C2orf49: variants seen among roughly 807,000 people sequenced by gnomAD.
C2orf49 encodes tRNA splicing ligase complex subunit 2.
A neutral mutation model predicts 20.6 loss-of-function variants in C2orf49; 11 were observed. The observed-to-expected ratio is 0.53, with a 90% CI of 0.34 to 0.88. The LOEUF is 0.88. Among genes scored for constraint, C2orf49 ranks in the 40% least tolerant of loss-of-function variants. The pLI is 0.02. For synonymous variants in C2orf49, 134 were observed against 108.5 expected, an observed-to-expected ratio of 1.24 and a Z score of -1.46; for missense variants, 289 against 274.2, an observed-to-expected ratio of 1.05 and a Z score of -0.38.
the C2orf49 span, among the ~76,000 whole-genome samples, chr2:105,375,027 T>C: frequency 1.3e-5 from 2 of 152,170 alleles, no homozygotes; most frequent in Non-Finnish European, 2.9e-5. Flanking sequence ...GGAGTTATGC[T>C]GAATGTAGGA....
the C2orf49 span, among the ~76,000 whole-genome samples, chr2:105,364,374 C>T: frequency 6.6e-6 from 1 of 152,210 alleles, no homozygotes; most frequent in Non-Finnish European, 1.5e-5. Flanking sequence ...TAAAGGACAG[C>T]CGGGACTAGC....
chr2:105,373,533 C>T, the C2orf49 span: 40 of 1,613,650 alleles, frequency 2.5e-5, no homozygotes, highest in East Asian at 5.6e-4. Context: ...GACTGGCTCA[C>T]GCATGAGAAA....
Position 105,342,879 on chromosome 2 carries a change from C to T in C2orf49, c.298C>T (p.Pro100Ser), listed in dbSNP as rs1679706639. ...CACTGTAGATGGGTTAAGGAAAAGA[C>T]CCCTCATCGTATTTGATGGAAGTTC... is the stretch of plus-strand genomic sequence containing the variant. Reference protein sequence around the residue: ...SSTVDGLRKRPLIVFDGSSTS... With the variant: ...SSTVDGLRKRSLIVFDGSSTS... Residue 100 changes from proline (P) to serine (S), a missense_variant, in exon 3 of 4, where the codon CCC (proline) becomes TCC (serine). Physicochemically the swap from Pro to Ser is moderately conservative, Grantham distance 74 (BLOSUM62 -1). Coordinates refer to ENST00000258457, the MANE Select transcript of C2orf49 (RefSeq NM_024093.3). 6.2e-7 allele frequency: 1 copy of T among 1,613,910 alleles called. No individual in the cohort carries two copies.
chr2:105,353,937 A>C (rs886920224), downstream of C2orf49, among the ~76,000 whole-genome samples: 4 of 152,234 alleles, frequency 2.6e-5, no homozygotes, highest in African/African-American at 7.2e-5. Context: ...AGTCTTGTCC[A>C]AAGGAGTTAG....
chr2:105,339,842 AATTT>A (rs1679618967), intron 2 of C2orf49, 93 bp downstream of exon 2: 7 of 1,172,324 alleles, frequency 6.0e-6, no homozygotes, highest in Middle Eastern at 5.6e-4. Flanking sequence ...TTAAGTAAAA[AATTT>A]ATTTACTCAA....
downstream of C2orf49, among the ~76,000 whole-genome samples, chr2:105,350,927 C>T (rs537621026): frequency 5.7e-4 from 86 of 152,040 alleles, no homozygotes; most frequent in African/African-American, 1.7e-3. Flanking sequence ...TTCCCTAATA[C>T]CCTTTTACTG....
chr2:105,371,546 ATCTC>A, the C2orf49 span, among the ~76,000 whole-genome samples: 1,628 of 141,068 alleles, frequency 0.012, 22 homozygotes, highest in Non-Finnish European at 0.015. Context: ...ATCCCTTGAA[ATCTC>A]TCTCTCTCTC....
Position 105,337,703 on chromosome 2 carries a change from CGGAGGGTGGG to C in C2orf49, c.99+18_99+27del. 5.0e-5 allele frequency: 5 copies of C among 99,710 alleles called. No individual in the cohort carries two copies. The highest frequency in any genetic ancestry group is 6.7e-5 in the Non-Finnish European group (5 of 74,150). 6.2% of individuals were successfully genotyped at this position (99,710 alleles called of 1,614,324 possible). ...CTGGAGCAGGTTGGGCGCGCCGGAT[CGGAGGGTGGG>C]CGGGTGGGCCTTCCCAGGTGAGGCG... is the stretch of plus-strand genomic sequence containing the variant. On this transcript the variant is annotated intron_variant, in intron 1 of 3. Coordinates refer to ENST00000258457, the MANE Select transcript of C2orf49 (RefSeq NM_024093.3).
the C2orf49 span, among the ~76,000 whole-genome samples, chr2:105,365,393 G>A: frequency 6.6e-6 from 1 of 152,090 alleles, no homozygotes; most frequent in Non-Finnish European, 1.5e-5. Flanking sequence ...TGTATTTAAT[G>A]AACATGCACA....
At chr2:105,366,799 G>A in the C2orf49 span, among the ~76,000 whole-genome samples, 4 of 152,164 alleles carry the variant, frequency 2.6e-5, no homozygotes, top group African/African-American at 9.7e-5. Flanking sequence ...AGGCTGGAGT[G>A]CAGTGGTGGG....
the C2orf49 span, chr2:105,376,400 A>G: frequency 6.6e-6 from 1 of 152,250 alleles, no homozygotes; most frequent in Non-Finnish European, 1.5e-5. Context: ...GCAACTTTCT[A>G]GAACATATTT....
In C2orf49 at chr2:105,348,015, C is replaced by G. The variant is rs1043299295; in HGVS notation, c.*2644C>G. 7 of 144,938 alleles carry G rather than the reference C, an allele frequency of 4.8e-5. No homozygotes were observed. Among genetic ancestry groups the G allele is most frequent in the African/African-American group, 1.8e-4 (7 of 39,182 alleles). The allele number at this position is 144,938 out of a possible 1,614,324, so 9.0% of individuals were successfully genotyped here. On this transcript the variant is annotated 3_prime_UTR_variant, in exon 4 of 4. Coordinates refer to ENST00000258457, the MANE Select transcript of C2orf49 (RefSeq NM_024093.3). ...CAGGCATCCTTGTTTTTTCTTTTCC[C>G]TCTTTGTTCCTTCTTTTCCCTTTCT...
At chr2:105,385,512 G>C in the C2orf49 span, among the ~76,000 whole-genome samples, 30 of 152,304 alleles carry the variant, frequency 2.0e-4, no homozygotes, top group African/African-American at 6.5e-4. Context: ...GAACTGACTT[G>C]GTGCCCATTC....
the C2orf49 span, among the ~76,000 whole-genome samples, chr2:105,368,951 A>T: frequency 6.6e-6 from 1 of 152,228 alleles, no homozygotes; most frequent in African/African-American, 2.4e-5. Context: ...GAACACAGCC[A>T]CGCCCATTAA....
the C2orf49 span, among the ~76,000 whole-genome samples, chr2:105,364,639 C>T: frequency 6.6e-6 from 1 of 152,142 alleles, no homozygotes; most frequent in Non-Finnish European, 1.5e-5. Flanking sequence ...TAGGTGGCCT[C>T]AGCTTGGCAA....
In C2orf49 at chr2:105,349,092, A is replaced by G. The variant is rs1440287556; in HGVS notation, c.*3721A>G. On this transcript the variant is annotated 3_prime_UTR_variant, in exon 4 of 4. Transcript: ENST00000258457. Reference sequence around the variant, plus strand: ...AGCTCTTAACAAAATGAGACAAACTAGAGATTCAGTTGAGAGATTTTATGT... The same window carrying G: ...AGCTCTTAACAAAATGAGACAAACTGGAGATTCAGTTGAGAGATTTTATGT... 3 of 152,248 alleles carry G rather than the reference A, an allele frequency of 2.0e-5. No homozygotes were observed. The highest frequency in any genetic ancestry group is 4.4e-5 in the Non-Finnish European group (3 of 68,052). The allele number at this position is 152,248 out of a possible 1,614,324, so 9.4% of individuals were successfully genotyped here. A position where few individuals can be genotyped will look rare whatever the true frequency, so the allele number is the denominator to read the frequency against.
At chr2:105,384,569 A>G in the C2orf49 span, among the ~76,000 whole-genome samples, 7,133 of 152,174 alleles carry the variant, frequency 0.047, 504 homozygotes, top group African/African-American at 0.16. Context: ...GTGCAGTGGC[A>G]TGATCTCGGC....
At chr2:105,349,219 A>G (rs184226606), downstream of C2orf49, 8 of 152,272 alleles carry the variant, frequency 5.3e-5, no homozygotes, top group Admixed American at 2.0e-4. Flanking sequence ...AGACTCAGGT[A>G]ACTTTCTACT....
chr2:105,353,601 G>A (rs112282940), downstream of C2orf49, among the ~76,000 whole-genome samples: 1 of 152,248 alleles, frequency 6.6e-6, no homozygotes, highest in African/African-American at 2.4e-5. Context: ...TAGTGTGTTG[G>A]CCTCTTTGCA....
Sources: allele counts gnomAD v4.1 joint callset (sites outside exome capture counted in the v4.1 genomes callset), GRCh38; gene constraint gnomAD v4.1.1; transcripts MANE v1.5; gene names NCBI Gene and HGNC (gene_info 2026-07-23, HGNC 2026-07-21).